Variants in PRICKLE1 observed in about 807,000 individuals in gnomAD.
The protein encoded by PRICKLE1 is prickle planar cell polarity protein 1.
Under a neutral mutation model 70.2 loss-of-function variants are expected in PRICKLE1, and 14 were observed. The ratio of observed to expected loss-of-function variants is 0.20; its 90% CI spans 0.13 to 0.31. PRICKLE1 has a LOEUF of 0.31. Ranked by LOEUF, PRICKLE1 falls within the 10% of genes least tolerant of loss-of-function variation. The probability of loss-of-function intolerance (pLI) is 1.00; values close to 1 mark genes in which losing one functional copy is unlikely to be tolerated. For synonymous variants in PRICKLE1, 357 were observed against 379.9 expected (o/e 0.94, Z 0.70); for missense variants, 821 against 1,026.2 (o/e 0.80, Z 2.73).
At position 42,466,313 on chromosome 12, in the gene PRICKLE1, A is replaced by T; in HGVS notation, c.656T>A (p.Leu219His). The T allele has an allele frequency of 6.2e-7, 1 of 1,614,212 alleles. No individual in the cohort carries two copies. The highest frequency in any genetic ancestry group is 2.2e-5 in the East Asian group (1 of 44,894). Residue 219 changes from leucine to histidine, a missense_variant, in exon 6 of 8, where the codon CTT (leucine) becomes CAT (histidine). Coordinates refer to ENST00000345127, the MANE Select transcript of PRICKLE1 (RefSeq NM_153026.3). ...TCCTCCCAGGACCGTTTCACACTCA[A>T]GGCAGCAGAAGTGTTTCATGTGCCA... Reference protein sequence around the residue: ...RHWHMKHFCCLECETVLGGQR... With the variant: ...RHWHMKHFCCHECETVLGGQR...
At chr12:42,571,971 CAAAT>C (rs1294258255) in intron 1 of PRICKLE1, among the ~76,000 whole-genome samples, 2 of 152,080 alleles carry the variant, frequency 1.3e-5, no homozygotes, top group South Asian at 2.1e-4. Context: ...GTTGAATGAA[CAAAT>C]GAATGAATGA....
intron 1 of PRICKLE1, among the ~76,000 whole-genome samples, chr12:42,544,090 A>G (rs1240915601): frequency 6.6e-6 from 1 of 152,150 alleles, no homozygotes; most frequent in Non-Finnish European, 1.5e-5. Context: ...TGGCCTTACT[A>G]TCTCAGGGGT....
chr12:42,460,165 G>T lies in PRICKLE1; in HGVS notation c.2140C>A (p.Gln714Lys). The change falls in exon 8 of 8, where the codon CAG becomes AAG. Residue 714 changes from glutamine (Q) to lysine (K), a missense_variant. Transcript: ENST00000345127. ...YTPDNYEKFIQNKSAREIQAY... is the reference protein window; with the variant it reads ...YTPDNYEKFIKNKSAREIQAY... ...TGGATCTCCCGGGCACTTTTATTCT[G>T]TATAAATTTCTCATAGTTATCGGGG... is the stretch of plus-strand genomic sequence containing the variant. The T allele has an allele frequency of 6.2e-7, 1 of 1,614,046 alleles. No individual in the cohort carries two copies. The highest frequency in any genetic ancestry group is 1.1e-5 in the South Asian group (1 of 91,074).
chr12:42,567,877 T>C (rs535296362), intron 1 of PRICKLE1, among the ~76,000 whole-genome samples: 1 of 151,268 alleles, frequency 6.6e-6, no homozygotes, highest in Non-Finnish European at 1.5e-5. Flanking sequence ...TCTAAACACA[T>C]GTACATACAC....
At chr12:42,574,161 G>A (rs1254019389) in intron 1 of PRICKLE1, among the ~76,000 whole-genome samples, 2 of 152,226 alleles carry the variant, frequency 1.3e-5, no homozygotes, top group East Asian at 1.9e-4. Flanking sequence ...TCTTGGGGAC[G>A]TGCAATATTT....
chr12:42,475,008 CCT>C (rs1938468325), intron 1 of PRICKLE1, among the ~76,000 whole-genome samples: 2 of 152,312 alleles, frequency 1.3e-5, no homozygotes, highest in African/African-American at 4.8e-5. Context: ...AGCTGTACTC[CCT>C]GATTAGCCTT....
At chr12:42,559,997 C>T (rs1004925880) in intron 1 of PRICKLE1, among the ~76,000 whole-genome samples, 1 of 151,774 alleles carries the variant, frequency 6.6e-6, no homozygotes, top group African/African-American at 2.4e-5. Context: ...AATGTGCTAA[C>T]CAATAGCTCT....
intron 1 of PRICKLE1, among the ~76,000 whole-genome samples, chr12:42,567,628 G>A (rs957231444): frequency 4.6e-5 from 7 of 152,088 alleles, no homozygotes; most frequent in Admixed American, 4.6e-4. Context: ...AGGAGTTCAA[G>A]ACCAGCCTGG....
Position 42,458,367 on chromosome 12 carries a change from TTAAG to T in PRICKLE1, c.*1438_*1441del, listed in dbSNP as rs1233546140. Reference sequence around the variant, plus strand: ...TTCAGAAAGGTAGTTTTGTTATTTATTAAGTGTTTATTAAATGCCTCCCTAAAGG... The same window carrying T: ...TTCAGAAAGGTAGTTTTGTTATTTATTGTTTATTAAATGCCTCCCTAAAGG... On this transcript the variant is annotated 3_prime_UTR_variant, in exon 8 of 8. Transcript: ENST00000345127. 2.6e-5 allele frequency: 4 copies of T among 152,236 alleles called. No homozygotes were observed. Among genetic ancestry groups the T allele is most frequent in the Admixed American group, 2.0e-4 (3 of 15,288 alleles). The allele number at this position is 152,236 out of a possible 1,614,324, so 9.4% of individuals were successfully genotyped here.
intron 1 of PRICKLE1, among the ~76,000 whole-genome samples, chr12:42,552,493 A>C (rs1940334644): frequency 6.6e-6 from 1 of 152,252 alleles, no homozygotes; most frequent in Admixed American, 6.5e-5. Flanking sequence ...GAACAGAGCA[A>C]GTGCTCCACA....
chr12:42,586,579 T>C (rs1277269496), intron 1 of PRICKLE1, among the ~76,000 whole-genome samples: 9 of 152,192 alleles, frequency 5.9e-5, no homozygotes, highest in Admixed American at 5.9e-4. Flanking sequence ...GGAAATTAAC[T>C]GCAGTAAGTA....
intron 2 of PRICKLE1, among the ~76,000 whole-genome samples, chr12:42,471,613 C>T (rs1938325651): frequency 6.6e-6 from 1 of 152,294 alleles, no homozygotes; most frequent in Non-Finnish European, 1.5e-5. Flanking sequence ...TAAGGATACC[C>T]TATTCTCATA....
chr12:42,511,888 C>T (rs117715202), intron 1 of PRICKLE1, among the ~76,000 whole-genome samples: 1,712 of 152,250 alleles, frequency 0.011, 13 homozygotes, highest in Middle Eastern at 0.027. Flanking sequence ...AACAAGGAAA[C>T]AGTCTCCCAT....
chr12:42,459,531 G>T lies in PRICKLE1; in HGVS notation c.*278C>A. Reference sequence around the variant, plus strand: ...CAGTCAGCATCTTCAGTATTCCCTTGAGGACTGGAAAACCAAAGCAGCTAC... The same window carrying T: ...CAGTCAGCATCTTCAGTATTCCCTTTAGGACTGGAAAACCAAAGCAGCTAC... On this transcript the variant is annotated 3_prime_UTR_variant, in exon 8 of 8. Transcript: ENST00000345127. The T allele has an allele frequency of 1.6e-6, 1 of 620,856 alleles. No homozygotes were observed. Among genetic ancestry groups the T allele is most frequent in the Non-Finnish European group, 2.9e-6 (1 of 350,186 alleles). The allele number at this position is 620,856 out of a possible 1,614,324, so 38.5% of individuals were successfully genotyped here.
chr12:42,537,319 C>G (rs974313574), intron 1 of PRICKLE1, among the ~76,000 whole-genome samples: 8 of 151,874 alleles, frequency 5.3e-5, no homozygotes, highest in Non-Finnish European at 1.0e-4. Context: ...CCACCATGCT[C>G]AGCTAATTTA....
At chr12:42,580,460 T>G (rs1940879342) in intron 1 of PRICKLE1, among the ~76,000 whole-genome samples, 1 of 152,218 alleles carries the variant, frequency 6.6e-6, no homozygotes, top group South Asian at 2.1e-4. Flanking sequence ...CCATGGAGTA[T>G]GCCTAAAGTC....
At chr12:42,477,458 G>GTA (rs1452351047) in intron 1 of PRICKLE1, among the ~76,000 whole-genome samples, 4 of 94,958 alleles carry the variant, frequency 4.2e-5, no homozygotes, top group Admixed American at 1.1e-4. Context: ...ATGTATATAC[G>GTA]TATATATGTG....
chr12:42,566,884 A>G (rs1940629405), intron 1 of PRICKLE1, among the ~76,000 whole-genome samples: 1 of 152,200 alleles, frequency 6.6e-6, no homozygotes, highest in Non-Finnish European at 1.5e-5. Context: ...TTGAGCCACT[A>G]TCATATGCTT....
intron 1 of PRICKLE1, among the ~76,000 whole-genome samples, chr12:42,510,250 A>G (rs1328141599): frequency 6.6e-6 from 1 of 151,878 alleles, no homozygotes; most frequent in Non-Finnish European, 1.5e-5. Context: ...GCCCGCCACC[A>G]GGCCCGGCTA....
Sources: gnomAD v4.1 joint callset for allele counts (sites outside exome capture counted in the v4.1 genomes callset) on GRCh38, gnomAD v4.1.1 for gene constraint, MANE v1.5 for transcripts, NCBI Gene and HGNC (gene_info 2026-07-23, HGNC 2026-07-21) for gene names.